Variants in NBAS observed in about 807,000 individuals in gnomAD.
NBAS encodes the protein NAG/BC035112 fusion.
In NBAS, 219 loss-of-function variants were observed where a neutral mutation model predicts 302.5. The ratio of observed to expected loss-of-function variants is 0.72; its 90% CI spans 0.65 to 0.81. NBAS has a LOEUF of 0.81. NBAS is among the 30% of genes least tolerant of loss of function. NBAS has a pLI of 0.00. For missense variants in NBAS, 2,932 were observed against 2,841.6 expected, an observed-to-expected ratio of 1.03 and a Z score of -0.72; for synonymous variants, 1,118 against 1,021.6, an observed-to-expected ratio of 1.09 and a Z score of -1.80.
intron 21 of NBAS, among the ~76,000 whole-genome samples, chr2:15,434,965 G>C (rs1012288557): frequency 6.6e-6 from 1 of 152,166 alleles, no homozygotes; most frequent in African/African-American, 2.4e-5. Context: ...GAAAAACAGA[G>C]AGACCCTTAT....
At chr2:14,954,468 T>A in the NBAS span, among the ~76,000 whole-genome samples, 6,608 of 152,272 alleles carry the variant, frequency 0.043, 443 homozygotes, top group African/African-American at 0.15. Context: ...GCTATGTTTC[T>A]TTCTCTGGAA....
chr2:14,848,257 C>A, the NBAS span, among the ~76,000 whole-genome samples: 1 of 150,846 alleles, frequency 6.6e-6, no homozygotes, highest in Admixed American at 6.6e-5. Context: ...GAGGCATTGC[C>A]TCACCTGGGA....
the NBAS span, among the ~76,000 whole-genome samples, chr2:14,978,511 T>C: frequency 6.6e-6 from 1 of 152,220 alleles, no homozygotes. Context: ...TTAGAAGAAC[T>C]GGAATTTCTT....
At chr2:15,414,532 C>A (rs920104595) in intron 25 of NBAS, among the ~76,000 whole-genome samples, 1 of 152,138 alleles carries the variant, frequency 6.6e-6, no homozygotes, top group African/African-American at 2.4e-5. Context: ...TGCCAAAGTA[C>A]CCTACACTTA....
At chr2:15,463,145 G>A (rs1041400933) in intron 19 of NBAS, among the ~76,000 whole-genome samples, 7 of 152,056 alleles carry the variant, frequency 4.6e-5, no homozygotes, top group Non-Finnish European at 7.4e-5. Flanking sequence ...ATGGTGCCAT[G>A]TATCTGTAGT....
intron 6 of NBAS, among the ~76,000 whole-genome samples, chr2:15,550,506 T>C (rs1203581245): frequency 1.3e-5 from 2 of 152,052 alleles, no homozygotes; most frequent in Non-Finnish European, 2.9e-5. Flanking sequence ...GAACTGTAGG[T>C]CCTGTAAATA....
intron 44 of NBAS, among the ~76,000 whole-genome samples, chr2:15,240,229 TACATGGCATGAGTGACC>T (rs1438269493): frequency 6.6e-6 from 1 of 151,922 alleles, no homozygotes; most frequent in Non-Finnish European, 1.5e-5. Flanking sequence ...TAGGCTGAAA[TACATGGCATGAGTGACC>T]ACACCAGGAG....
chr2:14,985,927 T>G, the NBAS span, among the ~76,000 whole-genome samples: 6 of 152,300 alleles, frequency 3.9e-5, no homozygotes, highest in African/African-American at 1.2e-4. Flanking sequence ...GTACTGATGA[T>G]CTAAAACCAG....
At chr2:15,219,488 T>C (rs1362791784) in intron 47 of NBAS, among the ~76,000 whole-genome samples, 2 of 136,146 alleles carry the variant, frequency 1.5e-5, no homozygotes, top group African/African-American at 5.6e-5. Context: ...GCAGTGTTTG[T>C]GTCCCTGGGT....
At chr2:14,847,557 G>A in the NBAS span, among the ~76,000 whole-genome samples, 2 of 149,820 alleles carry the variant, frequency 1.3e-5, no homozygotes, top group Admixed American at 6.6e-5. Flanking sequence ...ACTATATAAT[G>A]ATAAAGGGGT....
chr2:15,169,758 G>A lies in NBAS; in HGVS notation c.6841-2435C>T, dbSNP rs866934258. ...TCCAGAATGGGTGGTCACATGCTAG[G>A]AGCTGAGCAAGATTTGTGGAATGAA... is the stretch of plus-strand genomic sequence containing the variant. On this transcript the variant is annotated intron_variant, in intron 51 of 51. Coordinates refer to ENST00000281513, the MANE Select transcript of NBAS (RefSeq NM_015909.4). 5.3e-5 allele frequency among the ~76,000 whole-genome samples: 8 copies of A among 152,300 alleles called. No individual in the cohort carries two copies. In the East Asian group the frequency reaches 7.7e-4, roughly 15 times the overall value.
intron 6 of NBAS, among the ~76,000 whole-genome samples, chr2:15,543,417 G>A (rs2148697392): frequency 6.6e-6 from 1 of 152,270 alleles, no homozygotes; most frequent in Middle Eastern, 3.4e-3. Context: ...ATGATTTCAT[G>A]TCCTTCACAG....
At chr2:15,437,864 T>G (rs1024326583) in intron 21 of NBAS, among the ~76,000 whole-genome samples, 3 of 152,168 alleles carry the variant, frequency 2.0e-5, no homozygotes, top group African/African-American at 7.2e-5. Flanking sequence ...AAAGTGCCAC[T>G]GGTATTCAAA....
the NBAS span, among the ~76,000 whole-genome samples, chr2:14,833,766 T>C: frequency 4.6e-5 from 7 of 151,860 alleles, no homozygotes; most frequent in Non-Finnish European, 1.0e-4. Context: ...ACTTTGAATA[T>C]GTCAACTGAC....
Position 15,478,230 on chromosome 2 carries a change from G to C in NBAS, c.1143C>G (p.Ile381Met), listed in dbSNP as rs775294343. 6 of 1,597,348 alleles carry C rather than the reference G, an allele frequency of 3.8e-6. No homozygotes were observed. Among genetic ancestry groups the C allele is most frequent in the African/African-American group, 1.3e-5 (1 of 74,588 alleles). Residue 381 changes from isoleucine (I) to methionine (M), a missense_variant, in exon 13 of 52, where the codon ATC becomes ATG. Coordinates refer to ENST00000281513, the MANE Select transcript of NBAS (RefSeq NM_015909.4). The stretch of plus-strand genomic sequence containing the variant: ...ATCACATTTCGTAGAACTCACCTTT[G>C]ATTTTTTTTCTCTTCTCAGTAGAGA... ...WRLSTEKRKK[I>M]KDKESFYPLI...
At chr2:14,897,897 G>A in the NBAS span, among the ~76,000 whole-genome samples, 3 of 152,172 alleles carry the variant, frequency 2.0e-5, no homozygotes, top group African/African-American at 7.2e-5. Flanking sequence ...TGGGAAGACT[G>A]GGGGTTATTT....
At chr2:14,903,412 C>T in the NBAS span, among the ~76,000 whole-genome samples, 1 of 151,834 alleles carries the variant, frequency 6.6e-6, no homozygotes, top group African/African-American at 2.4e-5. Flanking sequence ...AAAGTATTTT[C>T]CAAGAGTGTT....
chr2:15,145,401 A>ATGTGTGTGTG, the NBAS span, among the ~76,000 whole-genome samples: 3 of 148,114 alleles, frequency 2.0e-5, no homozygotes, highest in East Asian at 2.0e-4. Context: ...GTTTGTTTGT[A>ATGTGTGTGTG]TGTGTGTGTG....
chr2:15,204,163 A>C (rs1292288966), intron 48 of NBAS, among the ~76,000 whole-genome samples: 1 of 151,920 alleles, frequency 6.6e-6, no homozygotes, highest in East Asian at 1.9e-4. Flanking sequence ...TGGAAGGCTG[A>C]GGTAAGAGGA....
Sources: allele counts gnomAD v4.1 joint callset (sites outside exome capture counted in the v4.1 genomes callset), GRCh38; gene constraint gnomAD v4.1.1; transcripts MANE v1.5; gene names NCBI Gene and HGNC (gene_info 2026-07-23, HGNC 2026-07-21).